Variants in AGTR1 observed in about 807,000 individuals in gnomAD.
AGTR1 encodes type-1 angiotensin II receptor.
In AGTR1, 16 loss-of-function variants were observed where a neutral mutation model predicts 19.4. That is an observed-to-expected ratio of 0.82 (90% confidence interval 0.56 to 1.25). The LOEUF is 1.25. Among genes scored for constraint, AGTR1 ranks in the 50% most tolerant of loss-of-function variants. The pLI is 0.00. For synonymous variants in AGTR1, 153 were observed against 154.9 expected (o/e 0.99, Z 0.09); for missense variants, 373 against 431.9 (o/e 0.86, Z 1.21).
chr3:148,728,567 C>T (rs541151806), intron 2 of AGTR1, among the ~76,000 whole-genome samples: 1 of 152,224 alleles, frequency 6.6e-6, no homozygotes, highest in East Asian at 1.9e-4. Context: ...TTCCACATAC[C>T]CAGCATCTGA....
At chr3:148,719,005 G>T (rs1003372391) in intron 2 of AGTR1, among the ~76,000 whole-genome samples, 3 of 152,116 alleles carry the variant, frequency 2.0e-5, no homozygotes, top group African/African-American at 7.2e-5. Context: ...AAATGGAAGG[G>T]CTCCTATTCG....
rs1388568367 is a variant in AGTR1 at position 148,740,949 on chromosome 3, AAG to A, written c.-47-38_-47-37del. The A allele has an allele frequency of 1.9e-6, 3 of 1,542,796 alleles. No homozygotes were observed. In the African/African-American group the frequency reaches 4.1e-5, roughly 21 times the overall value. ...GTTTGTTAGTTTGTTTGTTTACAAT[AAG>A]AATTTTTTCTTTACCATTTTATTTT... On this transcript the variant is annotated intron_variant, in intron 2 of 2. Transcript: ENST00000349243.
chr3:148,721,593 C>A (rs1316879576), intron 2 of AGTR1, among the ~76,000 whole-genome samples: 1 of 152,080 alleles, frequency 6.6e-6, no homozygotes, highest in East Asian at 1.9e-4. Context: ...TGGGATTGTC[C>A]CAGCCCACTG....
chr3:148,736,585 C>T (rs377340682), intron 2 of AGTR1, among the ~76,000 whole-genome samples: 2 of 152,098 alleles, frequency 1.3e-5, no homozygotes, highest in Admixed American at 6.5e-5. Context: ...TCACTTTATT[C>T]CTACAAAGAT....
intron 2 of AGTR1, chr3:148,740,054 T>C (rs1714783327): frequency 2.8e-6 from 3 of 1,068,774 alleles, no homozygotes; most frequent in Non-Finnish European, 3.6e-6. Context: ...ATCACATAAA[T>C]GAATAGCTTG....
intron 1 of AGTR1, among the ~76,000 whole-genome samples, chr3:148,701,602 A>G (rs1202126545): frequency 6.6e-6 from 1 of 152,164 alleles, no homozygotes; most frequent in Non-Finnish European, 1.5e-5. Context: ...AATGTCTAGA[A>G]TCTCTCAGTG....
intron 1 of AGTR1, among the ~76,000 whole-genome samples, chr3:148,699,986 C>CA (rs1420656461): frequency 6.6e-6 from 1 of 152,138 alleles, no homozygotes; most frequent in African/African-American, 2.4e-5. Flanking sequence ...TTGCGATTTG[C>CA]AAAATGTCTT....
rs440881 is a variant in AGTR1, at chr3:148,742,680, C to A, written c.*565C>A. The A allele has an allele frequency of 1, 197,282 of 197,286 alleles. 98,639 individuals carry two copies. Among genetic ancestry groups the A allele is most frequent in the Middle Eastern group, 1 (406 of 406 alleles). 12.2% of individuals were successfully genotyped at this position (197,286 alleles called of 1,614,324 possible). ...AATTCAACCTGTGTCTTATAGGTTT[C>A]CACTGCCAAAACAATGCCCGTAAGA... On this transcript the variant is annotated 3_prime_UTR_variant, in exon 3 of 3. Coordinates refer to ENST00000349243, the MANE Select transcript of AGTR1 (RefSeq NM_000685.5).
At chr3:148,715,477 C>A (rs1436976502) in intron 2 of AGTR1, among the ~76,000 whole-genome samples, 1 of 152,100 alleles carries the variant, frequency 6.6e-6, no homozygotes, top group African/African-American at 2.4e-5. Context: ...ATGTCTCCCC[C>A]AAACGGGTAG....
At chr3:148,711,940 TGTC>T (rs1421599397) in intron 2 of AGTR1, among the ~76,000 whole-genome samples, 1 of 152,036 alleles carries the variant, frequency 6.6e-6, no homozygotes, top group Non-Finnish European at 1.5e-5. Context: ...TTTGTAGAGA[TGTC>T]GTCTTGCTAC....
intron 1 of AGTR1, among the ~76,000 whole-genome samples, chr3:148,703,556 T>C (rs1712477372): frequency 6.6e-6 from 1 of 152,196 alleles, no homozygotes; most frequent in Non-Finnish European, 1.5e-5. Context: ...TTTTATTTAA[T>C]CCTCACAACA....
chr3:148,698,643 G>T (rs1280681605), intron 1 of AGTR1, among the ~76,000 whole-genome samples: 1 of 152,022 alleles, frequency 6.6e-6, no homozygotes, highest in Non-Finnish European at 1.5e-5. Flanking sequence ...AAACCATAGC[G>T]GTGGGTCCTA....
intron 2 of AGTR1, among the ~76,000 whole-genome samples, chr3:148,739,383 A>T (rs1353321416): frequency 6.6e-6 from 1 of 151,928 alleles, no homozygotes; most frequent in African/African-American, 2.4e-5. Flanking sequence ...AAAGTGTCAA[A>T]CCTACATCCA....
chr3:148,727,324 A>G (rs1714004015), intron 2 of AGTR1, among the ~76,000 whole-genome samples: 1 of 152,216 alleles, frequency 6.6e-6, no homozygotes, highest in African/African-American at 2.4e-5. Flanking sequence ...ACAAAGAAGA[A>G]AAGGCCTAAT....
chr3:148,705,017 G>A (rs1297417331), intron 1 of AGTR1, among the ~76,000 whole-genome samples: 1 of 152,128 alleles, frequency 6.6e-6, no homozygotes, highest in Admixed American at 6.5e-5. Flanking sequence ...TTGAAAGAAG[G>A]AGAAATACCC....
At position 148,741,265 on chromosome 3, in the gene AGTR1, T is replaced by G. The variant is rs747975618; in HGVS notation, c.230T>G (p.Phe77Cys). Residue 77 changes from phenylalanine (F) to cysteine (C), a missense_variant, in exon 3 of 3, where the codon TTT (phenylalanine) becomes TGT (cysteine). By Grantham distance (205) the Phe-to-Cys change is radical. Transcript: ENST00000349243. Reference sequence around the variant, plus strand: ...AATTTAGCACTGGCTGACTTATGCTTTTTACTGACTTTGCCACTATGGGCT... The same window carrying G: ...AATTTAGCACTGGCTGACTTATGCTGTTTACTGACTTTGCCACTATGGGCT... ...LLNLALADLCFLLTLPLWAVY... is the reference protein window; with the variant it reads ...LLNLALADLCCLLTLPLWAVY... The G allele has an allele frequency of 3.7e-6, 6 of 1,613,742 alleles. No individual in the cohort carries two copies. Among genetic ancestry groups the G allele is most frequent in the Admixed American group, 3.3e-5 (2 of 60,024 alleles).
At chr3:148,712,860 T>C (rs1175618066) in intron 2 of AGTR1, among the ~76,000 whole-genome samples, 2 of 152,182 alleles carry the variant, frequency 1.3e-5, no homozygotes, top group African/African-American at 2.4e-5. Flanking sequence ...AATGTTTATC[T>C]ATACATGACT....
rs78829381 is a variant in AGTR1 at position 148,717,234 on chromosome 3, A to G, written c.-48+9207A>G. 1.3e-4 allele frequency among the ~76,000 whole-genome samples: 20 copies of G among 152,302 alleles called. No homozygotes were observed. In the East Asian group the frequency reaches 3.7e-3, roughly 28 times the overall value. On this transcript the variant is annotated intron_variant, in intron 2 of 2. Coordinates refer to ENST00000349243, the MANE Select transcript of AGTR1 (RefSeq NM_000685.5). Reference sequence around the variant, plus strand: ...ATAATAGTGAACATCTATTAATTGGACACTTACTGGTGTCAGGCACTGTGT... The same window carrying G: ...ATAATAGTGAACATCTATTAATTGGGCACTTACTGGTGTCAGGCACTGTGT...
chr3:148,742,942 T>G lies in AGTR1; in HGVS notation c.*827T>G, dbSNP rs1715004115. On this transcript the variant is annotated 3_prime_UTR_variant, in exon 3 of 3. Coordinates refer to ENST00000349243, the MANE Select transcript of AGTR1 (RefSeq NM_000685.5). ...ATGTATATCTATATCTCTAAACTGC[T>G]GTTAATTGATTAAAATCTGGCAAAG... 6.0e-6 allele frequency: 1 copy of G among 165,522 alleles called. No homozygotes were observed. The highest frequency in any genetic ancestry group is 1.5e-5 in the Non-Finnish European group (1 of 68,084). The allele number at this position is 165,522 out of a possible 1,614,324, so 10.3% of individuals were successfully genotyped here.
Sources: gnomAD v4.1 joint callset for allele counts (sites outside exome capture counted in the v4.1 genomes callset) on GRCh38, gnomAD v4.1.1 for gene constraint, MANE v1.5 for transcripts, NCBI Gene and HGNC (gene_info 2026-07-23, HGNC 2026-07-21) for gene names.